The following LRIG1 variants were observed in gnomAD, a reference collection of about 807,000 sequenced individuals.
The protein encoded by LRIG1 is leucine-rich repeats and immunoglobulin-like domains protein 1.
LRIG1 carries 48 observed loss-of-function variants against 99.2 expected under a neutral mutation model. The ratio of observed to expected loss-of-function variants is 0.48; its 90% CI spans 0.38 to 0.62. LRIG1 has a LOEUF of 0.62. Among genes scored for constraint, LRIG1 ranks in the 20% least tolerant of loss-of-function variants. The pLI is 0.00. For synonymous variants in LRIG1, 772 were observed against 596.1 expected, an observed-to-expected ratio of 1.29 and a Z score of -4.30; for missense variants, 1,646 against 1,434.4, an observed-to-expected ratio of 1.15 and a Z score of -2.38.
intron 9 of LRIG1, among the ~76,000 whole-genome samples, chr3:66,404,941 A>G (rs1248443029): frequency 2.6e-5 from 4 of 152,186 alleles, no homozygotes; most frequent in African/African-American, 9.7e-5. Context: ...GAAGCCCAAG[A>G]GAAGCTCCAC....
At chr3:66,381,389 G>A (rs999533607) in intron 17 of LRIG1, 90 bp downstream of exon 17, 2 of 1,321,066 alleles carry the variant, frequency 1.5e-6, no homozygotes, top group Non-Finnish European at 2.1e-6. Context: ...CTGTGGACTA[G>A]GAATGTGTCT....
intron 12 of LRIG1, among the ~76,000 whole-genome samples, chr3:66,389,446 G>A (rs1020980296): frequency 6.6e-6 from 1 of 152,074 alleles, no homozygotes; most frequent in Admixed American, 6.5e-5. Flanking sequence ...AAAAAACTAT[G>A]ATCCAGCTAT....
intron 1 of LRIG1, among the ~76,000 whole-genome samples, chr3:66,483,585 G>C (rs1171957592): frequency 6.6e-6 from 1 of 152,218 alleles, no homozygotes; most frequent in Non-Finnish European, 1.5e-5. Flanking sequence ...GCAGAGGCCT[G>C]AGCAAAGTAA....
In LRIG1 at chr3:66,383,211, C is replaced by A. The variant is rs1349097981; in HGVS notation, c.2262G>T (p.Val754=). 7 of 1,614,134 alleles carry A rather than the reference C, an allele frequency of 4.3e-6. No individual in the cohort carries two copies. The highest frequency in any genetic ancestry group is 5.1e-6 in the Non-Finnish European group (6 of 1,180,062). The change falls in exon 15 of 19, where the codon GTG becomes GTT. Residue 754 remains valine, a synonymous_variant. Coordinates refer to ENST00000273261, the MANE Select transcript of LRIG1 (RefSeq NM_015541.3). The part of the protein sequence containing the change: ...DNQLLVVQNV[V]AEDAGRYTCE... ...AGGTATATCGGCCCGCATCCTCTGC[C>A]ACCACGTTCTGAACCACCAGGAGCT...
chr3:66,419,414 C>T (rs1338478685), intron 3 of LRIG1, among the ~76,000 whole-genome samples: 1 of 152,150 alleles, frequency 6.6e-6, no homozygotes, highest in African/African-American at 2.4e-5. Context: ...GAAAGTTCCC[C>T]ATTTGGCAGA....
rs372603698 is a variant in LRIG1, at chr3:66,405,237, G to C, written c.1121C>G (p.Thr374Arg). 5.0e-6 allele frequency: 8 copies of C among 1,614,056 alleles called. No homozygotes were observed. The highest frequency in any genetic ancestry group is 3.4e-6 in the Non-Finnish European group (4 of 1,180,014). ...GTCGAGCCCTGAGAAGGCGCCGCTC[G>C]TGTCCTCTATTGTGCCCGAAATCTC... ...HNEISGTIED[T>R]SGAFSGLDSL... The change falls in exon 9 of 19, where the codon ACG becomes AGG. Residue 374 changes from threonine (T) to arginine (R), a missense_variant. Coordinates refer to ENST00000273261, the MANE Select transcript of LRIG1 (RefSeq NM_015541.3).
chr3:66,405,232 C>T lies in LRIG1; in HGVS notation c.1126G>A (p.Gly376Ser), dbSNP rs148365913. Reference sequence around the variant, plus strand: ...AGGCTGTCGAGCCCTGAGAAGGCGCCGCTCGTGTCCTCTATTGTGCCCGAA... The same window carrying T: ...AGGCTGTCGAGCCCTGAGAAGGCGCTGCTCGTGTCCTCTATTGTGCCCGAA... Reference protein sequence around the residue: ...EISGTIEDTSGAFSGLDSLSK... With the variant: ...EISGTIEDTSSAFSGLDSLSK... Residue 376 changes from glycine (G) to serine (S), a missense_variant, in exon 9 of 19, where the codon GGC becomes AGC. Gly to Ser is a moderately conservative substitution (Grantham distance 56). Transcript: ENST00000273261. The T allele has an allele frequency of 1.0e-4, 161 of 1,614,058 alleles. 1 individual carries two copies. In the African/African-American group the frequency reaches 1.5e-3, roughly 15 times the overall value.
At chr3:66,387,476 A>G (rs1374897613) in intron 12 of LRIG1, 1 of 152,100 alleles carries the variant, frequency 6.6e-6, no homozygotes, top group Non-Finnish European at 1.5e-5. Context: ...GCTAACCACT[A>G]AACTAAACAA....
At chr3:66,487,142 T>C (rs1700993217) in intron 1 of LRIG1, among the ~76,000 whole-genome samples, 1 of 152,168 alleles carries the variant, frequency 6.6e-6, no homozygotes, top group South Asian at 2.1e-4. Context: ...GAGAGGACTA[T>C]CCATAATTTT....
At chr3:66,467,951 C>T (rs1700512931) in intron 1 of LRIG1, among the ~76,000 whole-genome samples, 1 of 152,174 alleles carries the variant, frequency 6.6e-6, no homozygotes, top group Non-Finnish European at 1.5e-5. Context: ...GATATTAACA[C>T]AAGTCCTTTG....
chr3:66,438,131 C>A (rs1703419465), intron 3 of LRIG1, among the ~76,000 whole-genome samples: 1 of 152,112 alleles, frequency 6.6e-6, no homozygotes, highest in African/African-American at 2.4e-5. Context: ...GGAGCCAAGG[C>A]CTTGGGGAAC....
intron 12 of LRIG1, among the ~76,000 whole-genome samples, chr3:66,389,742 A>G (rs1701542555): frequency 6.6e-6 from 1 of 152,232 alleles, no homozygotes; most frequent in South Asian, 2.1e-4. Flanking sequence ...CCCCACTTTC[A>G]ACAACGGATA....
rs1300976045 is a variant in LRIG1, at chr3:66,410,269, G to T, written c.795C>A (p.His265Gln). ...FWGLSKMHVL[H>Q]LEYNSLVEVN... The stretch of plus-strand genomic sequence containing the variant: ...CTTCTACCAGGCTGTTGTACTCCAG[G>T]TGCCTGCAATGACAGCCATGCACAG... Residue 265 changes from histidine to glutamine, a missense_variant, in exon 7 of 19, where the codon CAC becomes CAA. His to Gln is a conservative substitution (Grantham distance 24, BLOSUM62 0). Transcript: ENST00000273261. The T allele has an allele frequency of 6.2e-7, 1 of 1,604,358 alleles. No individual in the cohort carries two copies. The highest frequency in any genetic ancestry group is 1.3e-5 in the African/African-American group (1 of 74,636).
intron 11 of LRIG1, among the ~76,000 whole-genome samples, chr3:66,396,658 C>T (rs548245819): frequency 1.3e-5 from 2 of 152,324 alleles, no homozygotes; most frequent in South Asian, 4.1e-4. Flanking sequence ...CTGGAAGGGT[C>T]CAGTTCCTCC....
intron 7 of LRIG1, chr3:66,409,828 TG>T: frequency 3.6e-6 from 1 of 281,476 alleles, no homozygotes; most frequent in Non-Finnish European, 6.7e-6. Flanking sequence ...TTTCTACCCC[TG>T]GAACTGTCTC....
At chr3:66,451,449 T>G in intron 3 of LRIG1, 110 bp downstream of exon 3, 1 of 820,018 alleles carries the variant, frequency 1.2e-6, no homozygotes, top group Non-Finnish European at 2.0e-6. Context: ...AAGGTCTTTC[T>G]TCACCAGCGA....
chr3:66,460,911 T>C (rs1478916546), intron 2 of LRIG1, among the ~76,000 whole-genome samples: 1 of 152,156 alleles, frequency 6.6e-6, no homozygotes, highest in Non-Finnish European at 1.5e-5. Flanking sequence ...TAAACGCCAA[T>C]CTGGAGAATC....
chr3:66,408,765 T>G (rs561425079), intron 7 of LRIG1, among the ~76,000 whole-genome samples: 1 of 152,008 alleles, frequency 6.6e-6, no homozygotes, highest in African/African-American at 2.4e-5. Context: ...CAGCACCACA[T>G]GGAATGCACA....
chr3:66,381,177 C>T (rs1450625012), intron 17 of LRIG1, among the ~76,000 whole-genome samples: 3 of 152,174 alleles, frequency 2.0e-5, no homozygotes, highest in African/African-American at 7.2e-5. Context: ...AAATAAGCCT[C>T]AAAATAGCCC....
Sources: gnomAD v4.1 joint callset for allele counts (sites outside exome capture counted in the v4.1 genomes callset) on GRCh38, gnomAD v4.1.1 for gene constraint, MANE v1.5 for transcripts, NCBI Gene and HGNC (gene_info 2026-07-23, HGNC 2026-07-21) for gene names.